LMO7: variants seen among roughly 807,000 people sequenced by gnomAD.
The protein encoded by LMO7 is LIM domain only protein 7.
Under a neutral mutation model 206.5 loss-of-function variants are expected in LMO7, and 120 were observed. That is an observed-to-expected ratio of 0.58 (90% CI 0.50 to 0.68). The LOEUF is 0.68. Ranked by LOEUF, LMO7 falls within the 30% of genes least tolerant of loss-of-function variation. The pLI is 0.00. For missense variants in LMO7, 1,959 were observed against 1,957.9 expected, an observed-to-expected ratio of 1.00 and a Z score of -0.01; for synonymous variants, 706 against 681.5, an observed-to-expected ratio of 1.04 and a Z score of -0.56.
At chr13:75,681,739 T>TAC (rs2040546939) in intron 1 of LMO7, among the ~76,000 whole-genome samples, 2 of 139,034 alleles carry the variant, frequency 1.4e-5, no homozygotes, top group Admixed American at 1.5e-4. Context: ...TATATATATA[T>TAC]ATATATATAT....
At chr13:75,782,287 G>T (rs2051614630) in intron 4 of LMO7, among the ~76,000 whole-genome samples, 2 of 152,190 alleles carry the variant, frequency 1.3e-5, no homozygotes, top group East Asian at 1.9e-4. Context: ...GGAGAATTAG[G>T]AGTAGGTGTT....
At chr13:75,641,028 C>T (rs752498997) in intron 1 of LMO7, among the ~76,000 whole-genome samples, 7 of 152,328 alleles carry the variant, frequency 4.6e-5, no homozygotes, top group South Asian at 2.1e-4. Context: ...AGAAACTTGA[C>T]GGGTTTATAG....
At chr13:75,839,309 T>C (rs763009790) in intron 20 of LMO7, among the ~76,000 whole-genome samples, 2 of 152,200 alleles carry the variant, frequency 1.3e-5, no homozygotes, top group Non-Finnish European at 2.9e-5. Flanking sequence ...CAGGCTATTC[T>C]AGGGAAGAGT....
rs184418259 is a variant in LMO7 at position 75,709,242 on chromosome 13, G to T, written c.70-3940G>T. Among the ~76,000 whole-genome samples the T allele has an allele frequency of 5.3e-3, 809 of 152,292 alleles. 6 individuals carry two copies. Among genetic ancestry groups the T allele is most frequent in the African/African-American group, 0.019 (779 of 41,548 alleles). On this transcript the variant is annotated intron_variant, in intron 1 of 30. Transcript: ENST00000377534. ...TTCCTAGTCTTTGTTATTGTGAAAA[G>T]TGCCGCAATAAACATACGTGTGCAT...
chr13:75,772,119 A>G (rs1004884147), intron 4 of LMO7, among the ~76,000 whole-genome samples: 1 of 152,124 alleles, frequency 6.6e-6, no homozygotes, highest in Non-Finnish European at 1.5e-5. Context: ...CTTTACCAAG[A>G]TTTATAATAA....
intron 9 of LMO7, chr13:75,806,207 A>C (rs2141031199): frequency 1.0e-6 from 1 of 992,960 alleles, no homozygotes; most frequent in Non-Finnish European, 1.2e-6. Flanking sequence ...CGGGCTGTAA[A>C]ATCACCGGAC....
chr13:75,823,506 T>C (rs1231748315), intron 14 of LMO7, 59 bp from the exon 15 acceptor site: 1 of 1,316,272 alleles, frequency 7.6e-7, no homozygotes, highest in Non-Finnish European at 1.1e-6. Context: ...TAAACAACTT[T>C]TAAAAACAGA....
intron 3 of LMO7, among the ~76,000 whole-genome samples, chr13:75,741,394 T>C (rs577231565): frequency 2.0e-5 from 3 of 152,350 alleles, no homozygotes; most frequent in Admixed American, 1.3e-4. Flanking sequence ...CTTAGCCATT[T>C]ACTAAAAATA....
intron 3 of LMO7, among the ~76,000 whole-genome samples, chr13:75,745,841 A>T (rs1203343982): frequency 6.6e-6 from 1 of 152,178 alleles, no homozygotes. Flanking sequence ...AACTCACATC[A>T]TTCCATTAGC....
chr13:75,838,041 A>G (rs1048284794), intron 19 of LMO7, 99 bp from the exon 20 acceptor site: 1 of 698,148 alleles, frequency 1.4e-6, no homozygotes, highest in Admixed American at 2.6e-5. Context: ...TTTTAAAATA[A>G]TATTGCTACA....
intron 1 of LMO7, among the ~76,000 whole-genome samples, chr13:75,680,094 T>G (rs889086225): frequency 2.0e-5 from 3 of 152,168 alleles, no homozygotes; most frequent in African/African-American, 7.2e-5. Context: ...TTCCCCTCCC[T>G]GTGTCCATGT....
rs566893855 is a variant in LMO7, at chr13:75,735,047, G to A, written c.210+7949G>A. On this transcript the variant is annotated intron_variant, in intron 3 of 30. Transcript: ENST00000377534. The stretch of plus-strand genomic sequence containing the variant: ...CAGGAGGTGGAGCTTGCAGTTAGCC[G>A]AGATCACGCCACTGAACTCCAGCCT... Among the ~76,000 whole-genome samples, 10 of 151,352 alleles carry A rather than the reference G, an allele frequency of 6.6e-5. No individual in the cohort carries two copies. The East Asian group carries it at 1.6e-3, about 24-fold the overall frequency.
intron 3 of LMO7, among the ~76,000 whole-genome samples, chr13:75,754,867 T>C (rs1030067495): frequency 6.6e-6 from 1 of 152,242 alleles, no homozygotes; most frequent in African/African-American, 2.4e-5. Context: ...ATTGGCCTTA[T>C]GCTATTCTCA....
At chr13:75,851,269 A>G (rs1050431033) in intron 27 of LMO7, among the ~76,000 whole-genome samples, 6 of 152,236 alleles carry the variant, frequency 3.9e-5, no homozygotes, top group Non-Finnish European at 8.8e-5. Context: ...ATGGAAAAGA[A>G]GTTATTGAAA....
chr13:75,788,728 G>A (rs1404283505), intron 4 of LMO7: 3 of 152,192 alleles, frequency 2.0e-5, no homozygotes, highest in African/African-American at 7.2e-5. Flanking sequence ...TAGTGGCTTG[G>A]AGAGGGACCA....
At chr13:75,804,223 G>T in intron 7 of LMO7, 66 bp from the exon 8 acceptor site, 2 of 1,520,692 alleles carry the variant, frequency 1.3e-6, no homozygotes, top group Non-Finnish European at 8.9e-7. Flanking sequence ...AAGCAGGCGC[G>T]CTGTGTGGGT....
At chr13:75,834,142 T>C in intron 16 of LMO7, 84 bp from the exon 17 acceptor site, 1 of 972,302 alleles carries the variant, frequency 1.0e-6, no homozygotes, top group East Asian at 2.6e-5. Flanking sequence ...AAATTCAGAG[T>C]CATTTTTCTT....
chr13:75,728,017 G>A (rs1230372919), intron 3 of LMO7, among the ~76,000 whole-genome samples: 1 of 151,910 alleles, frequency 6.6e-6, no homozygotes, highest in Non-Finnish European at 1.5e-5. Flanking sequence ...TCTTAATCCA[G>A]TCTATCATTG....
At position 75,725,149 on chromosome 13, in the gene LMO7, AT is replaced by A. The variant is rs556906527; in HGVS notation, c.141-1872del. Among the ~76,000 whole-genome samples the A allele has an allele frequency of 3.5e-4, 53 of 151,990 alleles. 1 individual carries two copies. In the South Asian group the frequency reaches 6.2e-3, roughly 18 times the overall value. On this transcript the variant is annotated intron_variant, in intron 2 of 30. Coordinates refer to ENST00000377534, the MANE Select transcript of LMO7 (RefSeq NM_001306080.2). ...TGCTATTATTAATTCCAGAAACTGT[AT>A]TTTTTTTAAATGTACTTTCTCTTAT... is the stretch of plus-strand genomic sequence containing the variant.
Sources: gnomAD v4.1 joint callset for allele counts (sites outside exome capture counted in the v4.1 genomes callset) on GRCh38, gnomAD v4.1.1 for gene constraint, MANE v1.5 for transcripts, NCBI Gene and HGNC (gene_info 2026-07-23, HGNC 2026-07-21) for gene names.